PDXDC1: variants seen among roughly 807,000 people sequenced by gnomAD.
PDXDC1 encodes pyridoxal dependent decarboxylase domain containing 1.
A neutral mutation model predicts 100.1 loss-of-function variants in PDXDC1; 42 were observed. The observed-to-expected ratio is 0.42, with a 90% confidence interval of 0.33 to 0.54. The LOEUF (loss-of-function observed/expected upper bound fraction) is 0.54. Ranked by LOEUF, PDXDC1 falls within the 20% of genes least tolerant of loss-of-function variation. The pLI, the probability that PDXDC1 is intolerant of heterozygous loss-of-function variation, is 0.10. For synonymous variants in PDXDC1, 260 were observed against 371.7 expected (o/e 0.70, Z 3.46); for missense variants, 636 against 979.2 (o/e 0.65, Z 4.68).
chr16:15,035,234 A>T (rs1017330561), intron 21 of PDXDC1, among the ~76,000 whole-genome samples: 23 of 152,186 alleles, frequency 1.5e-4, no homozygotes, highest in Non-Finnish European at 2.9e-4. Context: ...GGGTGTGCTT[A>T]CGCCATACTG....
chr16:15,037,719 A>C lies in PDXDC1; in HGVS notation c.*1444A>C. The C allele has an allele frequency of 4.3e-6, 1 of 232,940 alleles. No individual in the cohort carries two copies. Among genetic ancestry groups the C allele is most frequent in the Admixed American group, 5.5e-5 (1 of 18,210 alleles). 14.4% of individuals were successfully genotyped at this position (232,940 alleles called of 1,614,324 possible). A position where few individuals can be genotyped will look rare whatever the true frequency, so the allele number is the denominator to read the frequency against. On this transcript the variant is annotated 3_prime_UTR_variant, in exon 23 of 23. Coordinates refer to ENST00000396410, the MANE Select transcript of PDXDC1 (RefSeq NM_015027.4). ...AATTCAGTTTATAAATCTTATTACA[A>C]AAGACTTACCCACGTACCTGAAATA...
At chr16:15,042,231 G>A (rs977232982), downstream of PDXDC1, among the ~76,000 whole-genome samples, 1 of 148,252 alleles carries the variant, frequency 6.7e-6, no homozygotes. Flanking sequence ...TGTCACCCAG[G>A]CTGGAGTGCA....
intron 16 of PDXDC1, among the ~76,000 whole-genome samples, chr16:15,102,947 C>T (rs1389877666): frequency 1.4e-5 from 2 of 146,366 alleles, no homozygotes; most frequent in Non-Finnish European, 3.0e-5. Context: ...AAAGGAAATA[C>T]AAATTAAAAA....
At chr16:14,976,579 C>T in intron 1 of PDXDC1, among the ~76,000 whole-genome samples, 1 of 152,280 alleles carries the variant, frequency 6.6e-6, no homozygotes, top group East Asian at 1.9e-4. Flanking sequence ...AGCAGGGTGT[C>T]TACCTTTTGG....
At chr16:15,070,918 T>C (rs1458357445) in intron 16 of PDXDC1, among the ~76,000 whole-genome samples, 1 of 152,152 alleles carries the variant, frequency 6.6e-6, no homozygotes, top group African/African-American at 2.4e-5. Flanking sequence ...ACAAAAGCCT[T>C]ACATACAGGG....
At position 15,037,979 on chromosome 16, in the gene PDXDC1, C is replaced by T; in HGVS notation, c.*1704C>T. ...TCCAGATCTGGATTCGTGCCAGCCC[C>T]ACCAATGGTCTGTCAGGCCAAGAAG... is the stretch of plus-strand genomic sequence containing the variant. On this transcript the variant is annotated 3_prime_UTR_variant, in exon 23 of 23. Coordinates refer to ENST00000396410, the MANE Select transcript of PDXDC1 (RefSeq NM_015027.4). The T allele has an allele frequency of 6.4e-6, 9 of 1,402,146 alleles. No individual in the cohort carries two copies. The highest frequency in any genetic ancestry group is 9.0e-6 in the Non-Finnish European group (9 of 1,000,426). The allele number at this position is 1,402,146 out of a possible 1,614,324, so 86.9% of individuals were successfully genotyped here. A position where few individuals can be genotyped will look rare whatever the true frequency, so the allele number is the denominator to read the frequency against.
chr16:15,097,414 G>T (rs2046394138), intron 16 of PDXDC1, among the ~76,000 whole-genome samples: 1 of 145,716 alleles, frequency 6.9e-6, no homozygotes, highest in Admixed American at 7.1e-5. Context: ...CACGAGGTCA[G>T]GAGATCGAGA....
rs568139601 is a variant in PDXDC1, at chr16:15,101,958, C to G, written c.1400-36921C>G. 2.1e-4 allele frequency among the ~76,000 whole-genome samples: 32 copies of G among 152,266 alleles called. 1 individual carries two copies. The highest frequency in any genetic ancestry group is 7.5e-4 in the African/African-American group (31 of 41,556). On this transcript the variant is annotated intron_variant, in intron 16 of 16. Transcript: ENST00000535621. ...CCACCTCCTGGGTTCAAGCGATTCT[C>G]CTGCCTCAGCCTCCCGAGTAGCTGG...
chr16:15,000,008 AATACTT>A, intron 3 of PDXDC1, among the ~76,000 whole-genome samples: 2 of 152,414 alleles, frequency 1.3e-5, no homozygotes, highest in Non-Finnish European at 2.9e-5. Context: ...CTGAGATACT[AATACTT>A]TAAAAGTCAC....
chr16:15,042,656 C>T (rs1350097529), downstream of PDXDC1, among the ~76,000 whole-genome samples: 1 of 152,116 alleles, frequency 6.6e-6, no homozygotes, highest in Non-Finnish European at 1.5e-5. Context: ...TCTCTATGCA[C>T]ATTTCAGATT....
At chr16:15,040,201 C>G (rs80175185), downstream of PDXDC1, 8 of 472,510 alleles carry the variant, frequency 1.7e-5, no homozygotes, top group East Asian at 2.3e-4. Flanking sequence ...ATCTGGACTT[C>G]CCCCTCCCTG....
chr16:15,014,746 C>A (rs1324095295), intron 8 of PDXDC1, among the ~76,000 whole-genome samples: 1 of 152,266 alleles, frequency 6.6e-6, no homozygotes, highest in African/African-American at 2.4e-5. Flanking sequence ...AAATTTAGGA[C>A]GGTTGGGGGA....
At position 15,037,407 on chromosome 16, in the gene PDXDC1, T is replaced by C. The variant is rs1026553148; in HGVS notation, c.*1132T>C. ...ACTGTAGTATTGGAAGCCTTAGTTA[T>C]AGTATATTAAGCCTATAATTATACT... On this transcript the variant is annotated 3_prime_UTR_variant, in exon 23 of 23. Coordinates refer to ENST00000396410, the MANE Select transcript of PDXDC1 (RefSeq NM_015027.4). 3 of 152,238 alleles carry C rather than the reference T, an allele frequency of 2.0e-5. No homozygotes were observed. Among genetic ancestry groups the C allele is most frequent in the African/African-American group, 7.2e-5 (3 of 41,460 alleles). 9.4% of individuals were successfully genotyped at this position (152,238 alleles called of 1,614,324 possible). A position where few individuals can be genotyped will look rare whatever the true frequency, so the allele number is the denominator to read the frequency against.
chr16:15,101,207 G>C (rs2046534032), intron 16 of PDXDC1, among the ~76,000 whole-genome samples: 1 of 152,148 alleles, frequency 6.6e-6, no homozygotes, highest in Non-Finnish European at 1.5e-5. Flanking sequence ...GACAGTATTT[G>C]CCCATTTATT....
intron 1 of PDXDC1, among the ~76,000 whole-genome samples, chr16:14,980,438 G>T (rs1369221838): frequency 6.6e-5 from 10 of 152,238 alleles, no homozygotes; most frequent in African/African-American, 2.4e-4. Context: ...TCAGCTTCCC[G>T]AGTAGATGGG....
At chr16:15,075,948 C>A (rs375424844) in intron 16 of PDXDC1, among the ~76,000 whole-genome samples, 1 of 152,290 alleles carries the variant, frequency 6.6e-6, no homozygotes, top group East Asian at 1.9e-4. Context: ...AGCCCCTCCC[C>A]CTTAGAACCA....
downstream of PDXDC1, among the ~76,000 whole-genome samples, chr16:15,139,809 G>GAA (rs1263946097): frequency 6.6e-6 from 1 of 152,000 alleles, no homozygotes; most frequent in Non-Finnish European, 1.5e-5. Flanking sequence ...AGCAAGAAAA[G>GAA]AAAGATGGCT....
intron 16 of PDXDC1, among the ~76,000 whole-genome samples, chr16:15,122,710 C>A (rs2047483249): frequency 1.3e-5 from 2 of 150,252 alleles, no homozygotes; most frequent in South Asian, 2.1e-4. Flanking sequence ...GCCACCGCAC[C>A]CGCATGTCCT....
intron 8 of PDXDC1, among the ~76,000 whole-genome samples, chr16:15,012,996 C>G (rs1193932513): frequency 3.3e-5 from 5 of 152,224 alleles, no homozygotes; most frequent in Admixed American, 2.0e-4. Context: ...TGGTGAAACC[C>G]CGTTTCCACT....
Sources: allele counts gnomAD v4.1 joint callset (sites outside exome capture counted in the v4.1 genomes callset), GRCh38; gene constraint gnomAD v4.1.1; transcripts MANE v1.5; gene names NCBI Gene and HGNC (gene_info 2026-07-23, HGNC 2026-07-21).